KYAT3: variants seen among roughly 807,000 people sequenced by gnomAD.
KYAT3 encodes kynurenine aminotransferase 3.
In KYAT3, 50 loss-of-function variants were observed where a neutral mutation model predicts 59.0. That is an observed-to-expected ratio of 0.85 (90% CI 0.68 to 1.07). The LOEUF is 1.07. Among genes scored for constraint, KYAT3 ranks in the 50% least tolerant of loss-of-function variants. The probability of loss-of-function intolerance (pLI) is 0.00; values close to 1 mark genes in which losing one functional copy is unlikely to be tolerated. For missense variants in KYAT3, 497 were observed against 533.3 expected (o/e 0.93, Z 0.67); for synonymous variants, 148 against 177.0 (o/e 0.84, Z 1.30).
intron 11 of KYAT3, among the ~76,000 whole-genome samples, chr1:88,946,325 A>AT (rs11321436): frequency 1.8e-4 from 26 of 148,198 alleles, no homozygotes; most frequent in African/African-American, 5.7e-4. Context: ...TGTGTAACTG[A>AT]TTTTTTTTTT....
At chr1:88,977,834 G>GTTTAGATATGCAAA (rs1676862770) in intron 2 of KYAT3, among the ~76,000 whole-genome samples, 1 of 152,008 alleles carries the variant, frequency 6.6e-6, no homozygotes, top group Admixed American at 6.6e-5. Flanking sequence ...CATTTTTACT[G>GTTTAGATATGCAAA]TACCTTTTCT....
intron 1 of KYAT3, among the ~76,000 whole-genome samples, chr1:88,988,918 G>A (rs1677627996): frequency 6.6e-6 from 1 of 152,206 alleles, no homozygotes; most frequent in South Asian, 2.1e-4. Flanking sequence ...AGCCATTTTA[G>A]TGGATTCCAG....
the KYAT3 span, among the ~76,000 whole-genome samples, chr1:88,924,731 T>G: frequency 6.6e-6 from 1 of 152,224 alleles, no homozygotes; most frequent in Admixed American, 6.5e-5. Context: ...GCTGTGCTCC[T>G]GATCCAGTGA....
intron 2 of KYAT3, chr1:88,983,393 C>G (rs1441235008): frequency 1.5e-5 from 24 of 1,614,160 alleles, no homozygotes; most frequent in Non-Finnish European, 2.0e-5. Context: ...TGGGAGTGGT[C>G]CCCTGGAAGA....
rs1675860452 is a variant in KYAT3, at chr1:88,955,198, G to A, written c.815C>T (p.Thr272Ile). ...IATFPGMWER[T>I]ITIGSAGKTF... ...CTTTCCAGCACTTCCTATTGTTATT[G>A]TTCTCTCCCACATACCTGGAAAAGT... is the stretch of plus-strand genomic sequence containing the variant. Residue 272 changes from threonine (T) to isoleucine (I), a missense_variant, in exon 9 of 14, where the codon ACA (threonine) becomes ATA (isoleucine). Around this residue, in one of 2 missense-constraint regions of KYAT3, gnomAD observed 469 missense variants for 479.1 expected, o/e 0.98. Coordinates refer to ENST00000260508, the MANE Select transcript of KYAT3 (RefSeq NM_001008661.3). The A allele has an allele frequency of 1.2e-6, 2 of 1,611,996 alleles. No homozygotes were observed. Among genetic ancestry groups the A allele is most frequent in the Admixed American group, 1.7e-5 (1 of 59,994 alleles).
intron 2 of KYAT3, among the ~76,000 whole-genome samples, chr1:88,985,230 A>G (rs556684190): frequency 1.2e-4 from 19 of 152,214 alleles, no homozygotes; most frequent in African/African-American, 4.6e-4. Context: ...GAGTAAGTGA[A>G]GGGAGTGCGT....
intron 1 of KYAT3, among the ~76,000 whole-genome samples, 198 bp downstream of exon 1, chr1:88,992,387 C>T (rs763775037): frequency 7.2e-5 from 11 of 152,240 alleles, no homozygotes; most frequent in African/African-American, 2.7e-4. Flanking sequence ...GGGATTCCCC[C>T]CTGGAGGCCA....
the KYAT3 span, among the ~76,000 whole-genome samples, chr1:88,926,898 G>T: frequency 6.6e-6 from 1 of 152,182 alleles, no homozygotes; most frequent in Admixed American, 6.5e-5. Flanking sequence ...CAGCTGGGTT[G>T]TTATGAAATA....
At position 88,949,132 on chromosome 1, in the gene KYAT3, G is replaced by C. The variant is rs1470864031; in HGVS notation, c.1100C>G (p.Pro367Arg). ...AGCGATGATGAAGTATCCTCCATCAGGAACTATGGGTTTTAGGCCAACACT... is the reference window on the plus strand; with the variant it reads ...AGCGATGATGAAGTATCCTCCATCACGAACTATGGGTTTTAGGCCAACACT... The part of the protein sequence containing the change: ...LESVGLKPIV[P>R]DGGYFIIADV... Residue 367 changes from proline to arginine, a missense_variant, in exon 11 of 14, where the codon CCT becomes CGT. Coordinates refer to ENST00000260508, the MANE Select transcript of KYAT3 (RefSeq NM_001008661.3). 1.2e-6 allele frequency: 2 copies of C among 1,605,194 alleles called. No homozygotes were observed. The highest frequency in any genetic ancestry group is 1.7e-6 in the Non-Finnish European group (2 of 1,177,128).
chr1:88,923,130 T>C, the KYAT3 span, among the ~76,000 whole-genome samples: 1 of 152,354 alleles, frequency 6.6e-6, no homozygotes. Context: ...AAAATTGCCA[T>C]TTATTAGATT....
rs755044665 is a variant in KYAT3 at position 88,983,274 on chromosome 1, G to A, written c.99+4978C>T. Reference sequence around the variant, plus strand: ...GGACCTCCATAACTATCTCTTCCACGTGATAGAGGAGCTCTTCCTCCCATT... The same window carrying A: ...GGACCTCCATAACTATCTCTTCCACATGATAGAGGAGCTCTTCCTCCCATT... On this transcript the variant is annotated intron_variant, in intron 2 of 13. Coordinates refer to ENST00000260508, the MANE Select transcript of KYAT3 (RefSeq NM_001008661.3). 2.5e-6 allele frequency: 4 copies of A among 1,613,680 alleles called. No homozygotes were observed. The highest frequency in any genetic ancestry group is 1.7e-5 in the Admixed American group (1 of 60,000).
At chr1:88,972,466 CCTCA>C (rs1215596996) in intron 2 of KYAT3, among the ~76,000 whole-genome samples, 2 of 152,140 alleles carry the variant, frequency 1.3e-5, no homozygotes, top group African/African-American at 4.8e-5. Context: ...TTTAAAAAAA[CCTCA>C]CTCACATTAC....
At chr1:88,921,781 T>C in the KYAT3 span, among the ~76,000 whole-genome samples, 4 of 152,256 alleles carry the variant, frequency 2.6e-5, no homozygotes, top group Non-Finnish European at 5.9e-5. Flanking sequence ...AGAGCCAACA[T>C]TGTAGTTCAA....
At chr1:88,983,500 A>G in intron 2 of KYAT3, 1 of 1,613,996 alleles carries the variant, frequency 6.2e-7, no homozygotes, top group African/African-American at 1.3e-5. Flanking sequence ...TTCCAGCTCC[A>G]AAACCTCTTG....
intron 1 of KYAT3, among the ~76,000 whole-genome samples, chr1:88,991,125 T>C (rs1677769666): frequency 6.6e-6 from 1 of 152,204 alleles, no homozygotes; most frequent in Admixed American, 6.5e-5. Context: ...ATCAACGGTT[T>C]AGACTGTTTA....
chr1:88,964,794 T>A (rs1445900044), intron 5 of KYAT3, 35 bp downstream of exon 5: 1 of 1,441,844 alleles, frequency 6.9e-7, no homozygotes, highest in Non-Finnish European at 9.5e-7. Flanking sequence ...GATAATTGAT[T>A]AATATGGGTA....
intron 8 of KYAT3, among the ~76,000 whole-genome samples, chr1:88,960,054 C>T (rs1413514224): frequency 6.5e-3 from 1 of 154 alleles, no homozygotes; most frequent in Non-Finnish European, 0.014. Flanking sequence ...CCACCTCAGC[C>T]TCCAAGTAGC....
chr1:88,959,456 C>T (rs1676059610), intron 8 of KYAT3, among the ~76,000 whole-genome samples: 1 of 151,108 alleles, frequency 6.6e-6, no homozygotes, highest in South Asian at 2.1e-4. Context: ...ACCTGTAATC[C>T]CAGCTACTTG....
chr1:88,946,667 T>A (rs1356700622), intron 11 of KYAT3, among the ~76,000 whole-genome samples: 1 of 150,376 alleles, frequency 6.6e-6, no homozygotes. Flanking sequence ...CTGTGCTAAT[T>A]TTTTTTATCA....
Sources: gnomAD v4.1 joint callset for allele counts (sites outside exome capture counted in the v4.1 genomes callset) on GRCh38, gnomAD v4.1.1 for gene constraint, gnomAD v4.1.1 regional missense constraint, MANE v1.5 for transcripts, NCBI Gene and HGNC (gene_info 2026-07-23, HGNC 2026-07-21) for gene names.